Variants in ZNF124 observed in about 807,000 individuals in gnomAD.
ZNF124 encodes the protein zinc finger protein 124.
Under a neutral mutation model 26.6 loss-of-function variants are expected in ZNF124, and 25 were observed. The ratio of observed to expected loss-of-function variants is 0.94; its 90% CI spans 0.68 to 1.31. ZNF124 has a LOEUF of 1.31. Among genes scored for constraint, ZNF124 ranks in the 40% most tolerant of loss-of-function variants. The probability of loss-of-function intolerance (pLI) is 0.00; values close to 1 mark genes in which losing one functional copy is unlikely to be tolerated. For synonymous variants in ZNF124, 129 were observed against 133.3 expected (o/e 0.97, Z 0.22); for missense variants, 444 against 422.2 (o/e 1.05, Z -0.45).
Position 247,134,660 on chromosome 1 carries a change from G to A in ZNF124, c.219-10789C>T, listed in dbSNP as rs150744600. Reference sequence around the variant, plus strand: ...ACACTCCTGTGTAATAATAGTATGAGATTTTAACACCCCACTGTCAGTATT... The same window carrying A: ...ACACTCCTGTGTAATAATAGTATGAAATTTTAACACCCCACTGTCAGTATT... On this transcript the variant is annotated intron_variant, in intron 3 of 3. Transcript: ENST00000472531. 2.3e-3 allele frequency among the ~76,000 whole-genome samples: 355 copies of A among 152,276 alleles called. 3 individuals are homozygous for A. The highest frequency in any genetic ancestry group is 0.012 in the South Asian group (59 of 4,822).
At chr1:247,162,198 T>C (rs1165447499) in intron 1 of ZNF124, among the ~76,000 whole-genome samples, 1 of 152,070 alleles carries the variant, frequency 6.6e-6, no homozygotes, top group Non-Finnish European at 1.5e-5. Flanking sequence ...AAAGCAAGCA[T>C]ACAAACAAGT....
downstream of ZNF124, among the ~76,000 whole-genome samples, chr1:247,150,821 A>G (rs1241055887): frequency 1.3e-5 from 2 of 151,984 alleles, no homozygotes; most frequent in African/African-American, 4.8e-5. Flanking sequence ...CATTTAAAAA[A>G]CAAAATCTCT....
intron 1 of ZNF124, 23 bp from the exon 2 acceptor site, chr1:247,159,836 A>G (rs1434829134): frequency 6.2e-7 from 1 of 1,605,866 alleles, no homozygotes; most frequent in East Asian, 2.2e-5. Flanking sequence ...ACATTTTTGT[A>G]GAGGATGGAT....
intron 3 of ZNF124, among the ~76,000 whole-genome samples, chr1:247,131,445 A>C (rs943834405): frequency 5.3e-5 from 8 of 152,168 alleles, no homozygotes; most frequent in African/African-American, 1.9e-4. Context: ...GGCAACCAGC[A>C]CTGGCCGTGG....
At chr1:247,159,976 G>GTT (rs779659255) in intron 1 of ZNF124, 163 bp from the exon 2 acceptor site, 2,993 of 246,752 alleles carry the variant, frequency 0.012, 109 homozygotes, top group Admixed American at 0.017. Context: ...CCACATAGCA[G>GTT]TTCTTTTTTT....
intron 1 of ZNF124, among the ~76,000 whole-genome samples, chr1:247,169,774 AT>A (rs1673992975): frequency 7.4e-6 from 1 of 135,492 alleles, no homozygotes; most frequent in African/African-American, 2.9e-5. Context: ...CCTGACCAGC[AT>A]TTTGTCTCTA....
rs1673134060 is a variant in ZNF124 at position 247,156,465 on chromosome 1, A to T, written c.*101T>A. On this transcript the variant is annotated 3_prime_UTR_variant, in exon 4 of 4. Coordinates refer to ENST00000543802, the MANE Select transcript of ZNF124 (RefSeq NM_001297568.2). ...TTGATTCGTTTCATGTATTTGAGGA[A>T]ATCTGGGAAAATTAAGTACTTTCCT... 4 of 1,344,024 alleles carry T rather than the reference A, an allele frequency of 3.0e-6. No homozygotes were observed. The Admixed American group carries it at 1.4e-4, about 48-fold the overall frequency. 83.3% of individuals were successfully genotyped at this position (1,344,024 alleles called of 1,614,324 possible). A position where few individuals can be genotyped will look rare whatever the true frequency, so the allele number is the denominator to read the frequency against.
rs184179887 is a variant in ZNF124 at position 247,155,304 on chromosome 1, G to A, written c.*1262C>T. Among the ~76,000 whole-genome samples, 804 of 151,996 alleles carry A rather than the reference G, an allele frequency of 5.3e-3. 3 individuals carry two copies. The highest frequency in any genetic ancestry group is 0.034 in the Middle Eastern group (10 of 294). On this transcript the variant is annotated 3_prime_UTR_variant, in exon 4 of 4. Coordinates refer to ENST00000543802, the MANE Select transcript of ZNF124 (RefSeq NM_001297568.2). ...AATAACAAAATAATTAAACTACACA[G>A]AAGTTAAACCTACAAATACATTTCA...
chr1:247,159,571 G>T, intron 2 of ZNF124, 116 bp downstream of exon 2: 1 of 1,058,068 alleles, frequency 9.5e-7, no homozygotes, highest in Non-Finnish European at 1.4e-6. Flanking sequence ...CTGGGTCCAT[G>T]CCTCATTCAC....
At chr1:247,152,834 A>G (rs1171484638), downstream of ZNF124, among the ~76,000 whole-genome samples, 15 of 152,216 alleles carry the variant, frequency 9.9e-5, no homozygotes, top group Admixed American at 8.5e-4. Flanking sequence ...GAACAAACAT[A>G]TACAACCCAT....
chr1:247,150,950 A>G (rs181780377), downstream of ZNF124, among the ~76,000 whole-genome samples: 154 of 152,218 alleles, frequency 1.0e-3, no homozygotes, highest in African/African-American at 3.4e-3. Context: ...AGACTGAGTG[A>G]GAGAGATACC....
At chr1:247,127,613 C>T (rs1326484986) in intron 3 of ZNF124, among the ~76,000 whole-genome samples, 2 of 146,246 alleles carry the variant, frequency 1.4e-5, no homozygotes, top group Admixed American at 1.4e-4. Context: ...GTTGTGTTAT[C>T]TATAGATTCC....
intron 3 of ZNF124, among the ~76,000 whole-genome samples, chr1:247,142,814 A>T (rs927756983): frequency 7.3e-5 from 11 of 151,246 alleles, no homozygotes; most frequent in Non-Finnish European, 1.5e-5. Context: ...GTATTGTAGA[A>T]GATTTTAAAT....
At chr1:247,133,216 TAA>T (rs1288494612) in intron 3 of ZNF124, among the ~76,000 whole-genome samples, 2 of 151,308 alleles carry the variant, frequency 1.3e-5, no homozygotes, top group African/African-American at 4.9e-5. Context: ...CTTACTGAAA[TAA>T]GACATGCAGA....
chr1:247,147,292 T>C lies in ZNF124; in HGVS notation c.218+11714A>G, dbSNP rs927299937. 2.0e-5 allele frequency among the ~76,000 whole-genome samples: 3 copies of C among 150,888 alleles called. No individual in the cohort carries two copies. The East Asian group carries it at 5.9e-4, about 30-fold the overall frequency. On this transcript the variant is annotated intron_variant, in intron 3 of 3. Transcript: ENST00000472531. ...CCCAGGCTGGAGTCCAGTGGCACGA[T>C]CTCAGCCCACTGCAACCTCCGCTTC...
intron 1 of ZNF124, among the ~76,000 whole-genome samples, chr1:247,160,978 G>A (rs767752304): frequency 5.9e-5 from 9 of 152,158 alleles, no homozygotes; most frequent in Non-Finnish European, 1.2e-4. Context: ...AAAGGCATGC[G>A]TTCAAAGAAA....
At chr1:247,141,617 G>A (rs1369893328) in intron 3 of ZNF124, among the ~76,000 whole-genome samples, 2 of 152,144 alleles carry the variant, frequency 1.3e-5, no homozygotes, top group Non-Finnish European at 2.9e-5. Context: ...TATGCCTCTG[G>A]GAGCCTCTCC....
chr1:247,132,278 A>G (rs990506133), intron 3 of ZNF124, among the ~76,000 whole-genome samples: 1 of 152,176 alleles, frequency 6.6e-6, no homozygotes, highest in Non-Finnish European at 1.5e-5. Flanking sequence ...GAAAAACCCC[A>G]TCCAAGAGCC....
At chr1:247,150,819 AAAC>A (rs1194456713), downstream of ZNF124, among the ~76,000 whole-genome samples, 1 of 151,968 alleles carries the variant, frequency 6.6e-6, no homozygotes, top group Non-Finnish European at 1.5e-5. Flanking sequence ...CTCATTTAAA[AAAC>A]AAAATCTCTG....
Sources: allele counts gnomAD v4.1 joint callset (sites outside exome capture counted in the v4.1 genomes callset), GRCh38; gene constraint gnomAD v4.1.1; transcripts MANE v1.5; gene names NCBI Gene and HGNC (gene_info 2026-07-23, HGNC 2026-07-21).